Variants in RBM33 observed in about 807,000 individuals in gnomAD.
The protein encoded by RBM33 is RNA-binding protein 33.
In RBM33, 28 loss-of-function variants were observed where a neutral mutation model predicts 132.6. That is an observed-to-expected ratio of 0.21 (90% CI 0.16 to 0.29). The LOEUF (loss-of-function observed/expected upper bound fraction) is 0.29, where lower values mean the gene tolerates loss of function less well. Among genes scored for constraint, RBM33 ranks in the 10% least tolerant of loss-of-function variants. RBM33 has a pLI of 1.00. For synonymous variants in RBM33, 634 were observed against 593.0 expected (o/e 1.07, Z -1.01); for missense variants, 1,291 against 1,518.5 (o/e 0.85, Z 2.49).
At chr7:155,766,727 A>G in intron 16 of RBM33, 72 bp downstream of exon 16, 1 of 1,437,464 alleles carries the variant, frequency 7.0e-7, no homozygotes, top group Non-Finnish European at 9.6e-7. Context: ...TTGATTTAAA[A>G]CACAGTGCCC....
Position 155,778,440 on chromosome 7 carries a change from G to A in RBM33, c.*3399G>A, listed in dbSNP as rs1419601877. On this transcript the variant is annotated 3_prime_UTR_variant, in exon 18 of 18. Coordinates refer to ENST00000401878, the MANE Select transcript of RBM33 (RefSeq NM_053043.3). This position sits in a 1 kb window ranked among gnomAD's most constrained non-coding sequence, Gnocchi z 4.0. ...GAAGGGATGGACAGACCCAGGTGAGGAGAGGCCTGGGGATTGGGGAAGCTG... is the reference window on the plus strand; with the variant it reads ...GAAGGGATGGACAGACCCAGGTGAGAAGAGGCCTGGGGATTGGGGAAGCTG... 6.6e-6 allele frequency: 1 copy of A among 152,414 alleles called. No homozygotes were observed. Among genetic ancestry groups the A allele is most frequent in the Non-Finnish European group, 1.5e-5 (1 of 68,158 alleles). 9.4% of individuals were successfully genotyped at this position (152,414 alleles called of 1,614,324 possible). A position where few individuals can be genotyped will look rare whatever the true frequency, so the allele number is the denominator to read the frequency against.
intron 1 of RBM33, among the ~76,000 whole-genome samples, chr7:155,656,003 G>C (rs1484472360): frequency 1.3e-5 from 2 of 152,144 alleles, no homozygotes; most frequent in African/African-American, 2.4e-5. Flanking sequence ...GACAGACTGT[G>C]GTTATTCAGA....
chr7:155,718,587 G>T (rs1563159090), intron 9 of RBM33, 144 bp downstream of exon 9: 7 of 683,796 alleles, frequency 1.0e-5, no homozygotes, highest in Non-Finnish European at 1.7e-5. Context: ...AATAGAAAAT[G>T]TTTGTTAAAA....
At chr7:155,756,029 A>G (rs1801838872) in intron 14 of RBM33, among the ~76,000 whole-genome samples, 1 of 152,368 alleles carries the variant, frequency 6.6e-6, no homozygotes, top group South Asian at 2.1e-4. Flanking sequence ...TGGAGGAAGT[A>G]GAAGATATTT....
intron 1 of RBM33, among the ~76,000 whole-genome samples, chr7:155,654,814 TA>T (rs1585398540): frequency 6.6e-6 from 1 of 152,196 alleles, no homozygotes; most frequent in South Asian, 2.1e-4. Context: ...AATACTTCAT[TA>T]AAAATTTTAT....
chr7:155,655,989 A>G (rs1798482181), intron 1 of RBM33, among the ~76,000 whole-genome samples: 1 of 152,150 alleles, frequency 6.6e-6, no homozygotes, highest in South Asian at 2.1e-4. Context: ...TTGAAAGGAC[A>G]ATTGACAGAC....
Position 155,764,120 on chromosome 7 carries a change from T to G in RBM33, c.3186+102T>G, listed in dbSNP as rs1802136834. ...TGTAGCGCATGGCACACAGTAGTACTCACATTCATAAGTGAACCATCATTT... is the reference window on the plus strand; with the variant it reads ...TGTAGCGCATGGCACACAGTAGTACGCACATTCATAAGTGAACCATCATTT... On this transcript the variant is annotated intron_variant, in intron 15 of 17. Coordinates refer to ENST00000401878, the MANE Select transcript of RBM33 (RefSeq NM_053043.3). The G allele has an allele frequency of 3.4e-6, 3 of 877,248 alleles. No homozygotes were observed. The Admixed American group carries it at 9.6e-5, about 28-fold the overall frequency. 54.3% of individuals were successfully genotyped at this position (877,248 alleles called of 1,614,324 possible).
Position 155,775,095 on chromosome 7 carries a change from A to G in RBM33, c.*54A>G. The G allele has an allele frequency of 6.6e-7, 1 of 1,523,848 alleles. No individual in the cohort carries two copies. 94.4% of individuals were successfully genotyped at this position (1,523,848 alleles called of 1,614,324 possible). On this transcript the variant is annotated 3_prime_UTR_variant, in exon 18 of 18. Transcript: ENST00000401878. ...TGTACACACACTGTGGAATTTCTTC[A>G]AGGGAGCTGCCGGCCGGCGCAGAAC...
At chr7:155,653,067 A>G (rs534712198) in intron 1 of RBM33, among the ~76,000 whole-genome samples, 3 of 152,152 alleles carry the variant, frequency 2.0e-5, no homozygotes, top group African/African-American at 7.2e-5. Context: ...ATTCCATTAT[A>G]TATCTATACT....
chr7:155,759,156 A>T (rs144902628), intron 14 of RBM33, among the ~76,000 whole-genome samples: 1,527 of 152,338 alleles, frequency 0.01, 19 homozygotes, highest in African/African-American at 0.035. Context: ...TGCATAAGGA[A>T]ATTTTAGTTT....
chr7:155,652,781 C>T (rs778656937), intron 1 of RBM33, among the ~76,000 whole-genome samples: 1 of 152,172 alleles, frequency 6.6e-6, no homozygotes, highest in African/African-American at 2.4e-5. Flanking sequence ...ATGTGCTGTT[C>T]TTCCTTTAAA....
intron 15 of RBM33, among the ~76,000 whole-genome samples, chr7:155,765,275 TTACTC>T (rs1445246437): frequency 6.6e-6 from 1 of 152,366 alleles, no homozygotes; most frequent in Non-Finnish European, 1.5e-5. Context: ...ATATCATAAC[TTACTC>T]TAGTTAGAAC....
At position 155,742,101 on chromosome 7, in the gene RBM33, A is replaced by C. The variant is rs1419702032; in HGVS notation, c.2332A>C (p.Thr778Pro). Residue 778 changes from threonine to proline, a missense_variant, in exon 13 of 18, where the codon ACA (threonine) becomes CCA (proline). Around this residue, in one of 7 missense-constraint regions of RBM33, gnomAD observed 841 missense variants for 912.0 expected, o/e 0.92. Coordinates refer to ENST00000401878, the MANE Select transcript of RBM33 (RefSeq NM_053043.3). ...ACCTAAAGAAGAGGCAAAAACAGAA[A>C]CAGAGGTAGGACACTGCTCTTATTA... ...AQPKEEAKTE[T>P]EFPDEDEETR... The C allele has an allele frequency of 1.9e-6, 3 of 1,612,044 alleles. No individual in the cohort carries two copies. The highest frequency in any genetic ancestry group is 2.5e-6 in the Non-Finnish European group (3 of 1,178,682).
Position 155,777,169 on chromosome 7 carries a change from C to T in RBM33, c.*2128C>T, listed in dbSNP as rs1266250954. 2 of 152,274 alleles carry T rather than the reference C, an allele frequency of 1.3e-5. No homozygotes were observed. The highest frequency in any genetic ancestry group is 1.9e-4 in the East Asian group (1 of 5,192). The allele number at this position is 152,274 out of a possible 1,614,324, so 9.4% of individuals were successfully genotyped here. ...TTTTTTGTAGTCAGTGTTAATAAAA[C>T]GGATCCTGTTTGGGCCTTCATTGTT... On this transcript the variant is annotated 3_prime_UTR_variant, in exon 18 of 18. Coordinates refer to ENST00000401878, the MANE Select transcript of RBM33 (RefSeq NM_053043.3).
At chr7:155,739,467 G>A in intron 11 of RBM33, 2 of 514,404 alleles carry the variant, frequency 3.9e-6, no homozygotes, top group Non-Finnish European at 6.9e-6. Context: ...GAGTTTGTCT[G>A]CATACCTAGT....
intron 2 of RBM33, among the ~76,000 whole-genome samples, chr7:155,668,786 A>G (rs1198357083): frequency 1.3e-5 from 2 of 152,214 alleles, no homozygotes; most frequent in Non-Finnish European, 2.9e-5. Flanking sequence ...TTTTGAAATC[A>G]TAGATTTAAA....
At chr7:155,730,169 C>T (rs1379979734) in intron 9 of RBM33, among the ~76,000 whole-genome samples, 1 of 152,230 alleles carries the variant, frequency 6.6e-6, no homozygotes, top group Non-Finnish European at 1.5e-5. Flanking sequence ...GGTCTCAGCT[C>T]TCACGGACCC....
chr7:155,726,514 A>C (rs1428438686), intron 9 of RBM33, among the ~76,000 whole-genome samples: 1 of 152,230 alleles, frequency 6.6e-6, no homozygotes, highest in Non-Finnish European at 1.5e-5. Context: ...GGATTTTTAA[A>C]AGAATATAAA....
At chr7:155,670,818 C>T (rs1397219680) in intron 2 of RBM33, among the ~76,000 whole-genome samples, 1 of 152,206 alleles carries the variant, frequency 6.6e-6, no homozygotes, top group Non-Finnish European at 1.5e-5. Flanking sequence ...AGTCATGAAA[C>T]AAGTACTAGT....
Sources: allele counts gnomAD v4.1 joint callset (sites outside exome capture counted in the v4.1 genomes callset), GRCh38; gene constraint gnomAD v4.1.1; regional missense constraint gnomAD v4.1.1; non-coding constraint Gnocchi (gnomAD v3.1); transcripts MANE v1.5; gene names NCBI Gene and HGNC (gene_info 2026-07-23, HGNC 2026-07-21).